Variants in KIT observed in about 807,000 individuals in gnomAD.
The protein encoded by KIT is KIT proto-oncogene, receptor tyrosine kinase, also known as mast/stem cell growth factor receptor Kit.
Under a neutral mutation model 105.7 loss-of-function variants are expected in KIT, and 16 were observed. That is an observed-to-expected ratio of 0.15 (90% CI 0.10 to 0.23). KIT has a LOEUF of 0.23. Ranked by LOEUF, KIT falls within the 10% of genes least tolerant of loss-of-function variation. KIT has a pLI of 1.00. For missense variants in KIT, 858 were observed against 1,213.8 expected (o/e 0.71, Z 4.36); for synonymous variants, 438 against 441.1 (o/e 0.99, Z 0.09).
Position 54,727,305 on chromosome 4 carries a change from T to C in KIT, c.1628T>C (p.Leu543Pro). The stretch of plus-strand genomic sequence containing the variant: ...ATGATGTGCATTATTGTGATGATTC[T>C]GACCTACAAATATTTACAGGTAACC... ...AGMMCIIVMI[L>P]TYKYLQKPMY... Residue 543 changes from leucine to proline, a missense_variant, in exon 10 of 21, where the codon CTG becomes CCG. Transcript: ENST00000288135. 1 of 1,614,120 alleles carries C rather than the reference T, an allele frequency of 6.2e-7. No individual in the cohort carries two copies. Among genetic ancestry groups the C allele is most frequent in the Non-Finnish European group, 8.5e-7 (1 of 1,179,922 alleles).
intron 4 of KIT, among the ~76,000 whole-genome samples, chr4:54,700,678 T>C (rs1453533489): frequency 6.6e-6 from 1 of 152,214 alleles, no homozygotes; most frequent in East Asian, 1.9e-4. Flanking sequence ...TTTCTCCTCC[T>C]CTTCCTCCTC....
At chr4:54,666,135 C>G (rs192773958) in intron 1 of KIT, among the ~76,000 whole-genome samples, 1 of 152,160 alleles carries the variant, frequency 6.6e-6, no homozygotes, top group East Asian at 1.9e-4. Flanking sequence ...TTTATTAAGC[C>G]TGGAGAAGAT....
intron 6 of KIT, among the ~76,000 whole-genome samples, 162 bp from the exon 7 acceptor site, chr4:54,709,262 G>A (rs1213864562): frequency 6.6e-6 from 1 of 152,206 alleles, no homozygotes. Flanking sequence ...ATGTGTGTGC[G>A]TGTTTATGTA....
intron 1 of KIT, among the ~76,000 whole-genome samples, chr4:54,661,553 T>C (rs1717270060): frequency 6.6e-6 from 1 of 152,228 alleles, no homozygotes; most frequent in East Asian, 1.9e-4. Flanking sequence ...GTGGCAGCTT[T>C]TTCTTCAGAA....
intron 7 of KIT, among the ~76,000 whole-genome samples, chr4:54,718,143 T>C (rs1721619161): frequency 1.3e-5 from 2 of 152,344 alleles, no homozygotes; most frequent in East Asian, 3.9e-4. Flanking sequence ...TTCCGTCGCC[T>C]AAGCTGTAGT....
chr4:54,738,204 C>T (rs1210278213), intron 20 of KIT, among the ~76,000 whole-genome samples: 2 of 152,126 alleles, frequency 1.3e-5, no homozygotes, highest in African/African-American at 2.4e-5. Context: ...ATGTTTTGTC[C>T]CCACTTCTTG....
intron 5 of KIT, 40 bp from the exon 6 acceptor site, chr4:54,707,058 T>G (rs1720834093): frequency 8.5e-7 from 1 of 1,170,104 alleles, no homozygotes; most frequent in African/African-American, 1.5e-5. Flanking sequence ...CCAGTAGTTG[T>G]AGATAATGGT....
intron 1 of KIT, among the ~76,000 whole-genome samples, chr4:54,660,485 C>T (rs150754425): frequency 1.3e-5 from 2 of 152,164 alleles, no homozygotes; most frequent in East Asian, 3.9e-4. Context: ...CTGTTTTTTC[C>T]CCCACTCATT....
intron 7 of KIT, among the ~76,000 whole-genome samples, chr4:54,719,995 AGT>A (rs1179746379): frequency 6.6e-6 from 1 of 152,088 alleles, no homozygotes; most frequent in Non-Finnish European, 1.5e-5. Context: ...AGGCACCTAG[AGT>A]GTGAAATATA....
At chr4:54,727,696 A>G (rs925774108) in intron 11 of KIT, 127 bp from the exon 12 acceptor site, 44 of 1,282,794 alleles carry the variant, frequency 3.4e-5, no homozygotes, top group Non-Finnish European at 4.4e-5. Flanking sequence ...CATAGAGAAC[A>G]TCGTAGGAAA....
chr4:54,714,019 A>T (rs1461066442), intron 7 of KIT, among the ~76,000 whole-genome samples: 1 of 152,204 alleles, frequency 6.6e-6, no homozygotes, highest in East Asian at 1.9e-4. Flanking sequence ...TCATTAAAAA[A>T]CAAAGCAAAA....
At chr4:54,663,001 A>G (rs1003035599) in intron 1 of KIT, among the ~76,000 whole-genome samples, 3 of 150,226 alleles carry the variant, frequency 2.0e-5, no homozygotes, top group African/African-American at 7.4e-5. Flanking sequence ...GGGGAAAAAA[A>G]AAAACTACAC....
At chr4:54,678,321 CTT>C (rs1456055516) in intron 1 of KIT, among the ~76,000 whole-genome samples, 9 of 90,330 alleles carry the variant, frequency 1.0e-4, no homozygotes, top group African/African-American at 4.4e-4. Context: ...TCCTTCCTTC[CTT>C]CCTTCCTTCC....
chr4:54,706,804 T>A lies in KIT; in HGVS notation c.926-294T>A, dbSNP rs3111809. 0.96 allele frequency among the ~76,000 whole-genome samples: 146,528 copies of A among 152,286 alleles called. 70,762 individuals are homozygous for A. Among genetic ancestry groups the A allele is most frequent in the Middle Eastern group, 1 (294 of 294 alleles). On this transcript the variant is annotated intron_variant, in intron 5 of 20. Coordinates refer to ENST00000288135, the MANE Select transcript of KIT (RefSeq NM_000222.3). ...TTTATTCCAAATTCTTTTAACCTAA[T>A]AAACATCAAGACTAGTAGATTTAGA...
At chr4:54,720,397 C>T (rs533151714) in intron 7 of KIT, among the ~76,000 whole-genome samples, 2 of 152,260 alleles carry the variant, frequency 1.3e-5, no homozygotes, top group Admixed American at 6.5e-5. Context: ...CAGACCACAC[C>T]GTTGCCAGCC....
chr4:54,672,402 T>C (rs1718175849), intron 1 of KIT, among the ~76,000 whole-genome samples: 1 of 152,210 alleles, frequency 6.6e-6, no homozygotes, highest in Non-Finnish European at 1.5e-5. Context: ...ATTCATATTT[T>C]TTGCTAGATT....
At chr4:54,691,592 GT>G (rs1417650820) in intron 1 of KIT, among the ~76,000 whole-genome samples, 5 of 152,270 alleles carry the variant, frequency 3.3e-5, no homozygotes, top group African/African-American at 1.2e-4. Context: ...ACAGCTAGAA[GT>G]TAACCCCATG....
chr4:54,709,359 G>A, intron 6 of KIT, 65 bp from the exon 7 acceptor site: 2 of 1,032,218 alleles, frequency 1.9e-6, no homozygotes, highest in East Asian at 4.7e-5. Flanking sequence ...GGTAGAAACT[G>A]AAAAAGACAT....
At position 54,738,470 on chromosome 4, in the gene KIT, GC is replaced by G. The variant is rs1239267686; in HGVS notation, c.2847del (p.Val950TrpfsTer2). 1 of 1,614,054 alleles carries G rather than the reference GC, an allele frequency of 6.2e-7. No homozygotes were observed. ...LANCSPNRQK[P>X]VVDHSVRINS... is the part of the protein sequence containing the mutation. ...CAAACTGCAGCCCCAACCGACAGAAGCCCGTGGTAGACCATTCTGTGCGGAT... is the reference window on the plus strand; with the variant it reads ...CAAACTGCAGCCCCAACCGACAGAAGCCGTGGTAGACCATTCTGTGCGGAT... On this transcript the variant is annotated frameshift_variant, in exon 21 of 21. Transcript: ENST00000288135. LOFTEE classifies it high-confidence loss of function.
Sources: gnomAD v4.1 joint callset for allele counts (sites outside exome capture counted in the v4.1 genomes callset) on GRCh38, gnomAD v4.1.1 for gene constraint, MANE v1.5 for transcripts, NCBI Gene and HGNC (gene_info 2026-07-23, HGNC 2026-07-21) for gene names.